The following CRTAC1 variants were observed in gnomAD, a reference collection of about 807,000 sequenced individuals.
CRTAC1 encodes cartilage acidic protein 1, also known as acidic secreted protein in cartilage.
In CRTAC1, 37 loss-of-function variants were observed where a neutral mutation model predicts 67.8. The ratio of observed to expected loss-of-function variants is 0.55; its 90% CI spans 0.42 to 0.72. CRTAC1 has a LOEUF of 0.72. Ranked by LOEUF, CRTAC1 falls within the 30% of genes least tolerant of loss-of-function variation. The pLI, the probability that CRTAC1 is intolerant of heterozygous loss-of-function variation, is 0.00. For synonymous variants in CRTAC1, 348 were observed against 371.0 expected, an observed-to-expected ratio of 0.94 and a Z score of 0.71; for missense variants, 780 against 931.6, an observed-to-expected ratio of 0.84 and a Z score of 2.12.
chr10:97,925,366 G>A (rs1411040640), intron 3 of CRTAC1, among the ~76,000 whole-genome samples: 2 of 152,018 alleles, frequency 1.3e-5, no homozygotes, highest in African/African-American at 4.8e-5. Context: ...GACAATGGCT[G>A]AGAATGAGTG....
chr10:98,009,165 C>A (rs1842857889), intron 2 of CRTAC1, among the ~76,000 whole-genome samples: 1 of 152,158 alleles, frequency 6.6e-6, no homozygotes. Flanking sequence ...TAGTTTTTTC[C>A]TTCTAAAAGC....
At chr10:97,983,367 C>T (rs1212942022) in intron 2 of CRTAC1, among the ~76,000 whole-genome samples, 2 of 151,826 alleles carry the variant, frequency 1.3e-5, no homozygotes, top group Non-Finnish European at 2.9e-5. Context: ...AAAGCCAAGA[C>T]ATCTACTGAA....
intron 2 of CRTAC1, among the ~76,000 whole-genome samples, chr10:97,979,734 A>C (rs1405305680): frequency 6.6e-6 from 1 of 152,056 alleles, no homozygotes; most frequent in Non-Finnish European, 1.5e-5. Context: ...CTTGGGTCCC[A>C]CCCCAGTCCG....
rs199517598 is a variant in CRTAC1 at position 97,936,299 on chromosome 10, C to G, written c.292G>C (p.Asp98His). The G allele has an allele frequency of 1.2e-6, 2 of 1,613,822 alleles. No homozygotes were observed. Among genetic ancestry groups the G allele is most frequent in the South Asian group, 2.2e-5 (2 of 91,040 alleles). ...GCGTAGTAGGGTGAGCTGCGCTCAT[C>G]GACCGCGATGTTCACCAGCCGCTTC... ...AQKRLVNIAV[D>H]ERSSPYYALR... is the part of the protein sequence containing the mutation. Residue 98 changes from aspartate to histidine, a missense_variant, in exon 3 of 15, where the codon GAT becomes CAT. Physicochemically the swap from Asp to His is moderately conservative, Grantham distance 81. Coordinates refer to ENST00000370597, the MANE Select transcript of CRTAC1 (RefSeq NM_018058.7).
intron 2 of CRTAC1, among the ~76,000 whole-genome samples, chr10:97,949,511 G>A (rs911265439): frequency 5.9e-5 from 9 of 152,238 alleles, no homozygotes; most frequent in Admixed American, 3.9e-4. Context: ...CTTAAGATCC[G>A]GGACAAGGGC....
chr10:98,011,433 C>T (rs1800092625), intron 1 of CRTAC1, 96 bp from the exon 2 acceptor site: 2 of 1,446,472 alleles, frequency 1.4e-6, no homozygotes, highest in Admixed American at 1.8e-5. Flanking sequence ...GCCTTTCTCT[C>T]CCATTCATGG....
chr10:97,988,438 G>A (rs2052020464), intron 2 of CRTAC1, among the ~76,000 whole-genome samples: 1 of 152,158 alleles, frequency 6.6e-6, no homozygotes, highest in African/African-American at 2.4e-5. Flanking sequence ...AATTATGATG[G>A]TGGCTGGGTG....
chr10:97,923,336 G>A lies in CRTAC1; in HGVS notation c.486C>T (p.Ser162=), dbSNP rs143996519. 1.2e-5 allele frequency: 20 copies of A among 1,613,988 alleles called. No homozygotes were observed. Among genetic ancestry groups the A allele is most frequent in the Admixed American group, 5.0e-5 (3 of 59,998 alleles). The change falls in exon 4 of 15, where the codon AGC becomes AGT. Residue 162 remains serine, a synonymous_variant. Coordinates refer to ENST00000370597, the MANE Select transcript of CRTAC1 (RefSeq NM_018058.7). ...FRNNRWEDIL[S]DEVNVARGVA... ...CACCACGGGCCACGTTGACCTCATC[G>A]CTCAGGATGTCTTCCCACCGGTTAT... is the stretch of plus-strand genomic sequence containing the variant.
chr10:97,916,684 A>C (rs1428009118), intron 5 of CRTAC1, among the ~76,000 whole-genome samples: 5 of 152,196 alleles, frequency 3.3e-5, no homozygotes, highest in African/African-American at 1.2e-4. Flanking sequence ...AAGGCCGACC[A>C]ACAAGAGGAT....
chr10:97,923,228 G>A (rs770171607), intron 4 of CRTAC1, 36 bp downstream of exon 4: 1 of 1,612,622 alleles, frequency 6.2e-7, no homozygotes, highest in South Asian at 1.1e-5. Context: ...CTCTCATGTG[G>A]CTTCTCCCCA....
chr10:97,913,607 C>T (rs1488519584), intron 5 of CRTAC1, among the ~76,000 whole-genome samples: 1 of 152,174 alleles, frequency 6.6e-6, no homozygotes, highest in East Asian at 1.9e-4. Context: ...GCAATGTTCC[C>T]CCCGATACTC....
chr10:97,910,416 G>A (rs2050674401), intron 5 of CRTAC1, among the ~76,000 whole-genome samples: 1 of 152,202 alleles, frequency 6.6e-6, no homozygotes, highest in African/African-American at 2.4e-5. Flanking sequence ...CAGAATCTCA[G>A]GCCCCTAATG....
chr10:97,880,416 A>C, intron 13 of CRTAC1, 24 bp from the exon 14 acceptor site: 2 of 1,606,644 alleles, frequency 1.2e-6, no homozygotes, highest in Non-Finnish European at 1.7e-6. Context: ...GGAACCACTC[A>C]CCATGAAGGT....
chr10:97,901,339 G>A (rs1292471879), intron 8 of CRTAC1, among the ~76,000 whole-genome samples, 164 bp downstream of exon 8: 1 of 152,160 alleles, frequency 6.6e-6, no homozygotes, highest in East Asian at 1.9e-4. Context: ...CCCAGTCCTC[G>A]TCCTTCCTTC....
chr10:97,966,133 C>G lies in CRTAC1; in HGVS notation c.225-29767G>C, dbSNP rs561872793. On this transcript the variant is annotated intron_variant, in intron 2 of 14. Coordinates refer to ENST00000370597, the MANE Select transcript of CRTAC1 (RefSeq NM_018058.7). ...TCACTCCATCACCCAGGCTTGAGTG[C>G]AGTGGCATGATCTCAGCTCACTGCA... Among the ~76,000 whole-genome samples the G allele has an allele frequency of 2.6e-5, 4 of 152,358 alleles. No individual in the cohort carries two copies. In the East Asian group the frequency reaches 7.7e-4, roughly 29 times the overall value.
chr10:98,014,403 C>T (rs1842958226), intron 1 of CRTAC1, among the ~76,000 whole-genome samples: 1 of 152,086 alleles, frequency 6.6e-6, no homozygotes, highest in Admixed American at 6.6e-5. Flanking sequence ...TCATGCCTGA[C>T]AATAGTTTCT....
At chr10:97,901,701 T>A in intron 7 of CRTAC1, 62 bp from the exon 8 acceptor site, 3 of 1,595,930 alleles carry the variant, frequency 1.9e-6, no homozygotes, top group Non-Finnish European at 2.6e-6. Context: ...AGGCCAGCTC[T>A]CCTCTATGGA....
intron 2 of CRTAC1, among the ~76,000 whole-genome samples, chr10:97,957,586 A>G (rs914628372): frequency 1.3e-5 from 2 of 152,116 alleles, no homozygotes; most frequent in African/African-American, 4.8e-5. Flanking sequence ...GCAGAGCCCA[A>G]TTCAAACCCA....
intron 5 of CRTAC1, among the ~76,000 whole-genome samples, chr10:97,914,131 A>T (rs898391679): frequency 2.6e-5 from 4 of 152,164 alleles, no homozygotes; most frequent in Non-Finnish European, 4.4e-5. Flanking sequence ...GGCCTAGGGG[A>T]GGCAGGGCAG....
Sources: gnomAD v4.1 joint callset for allele counts (sites outside exome capture counted in the v4.1 genomes callset) on GRCh38, gnomAD v4.1.1 for gene constraint, MANE v1.5 for transcripts, NCBI Gene and HGNC (gene_info 2026-07-23, HGNC 2026-07-21) for gene names.